The following TNN variants were observed in gnomAD, a reference collection of about 807,000 sequenced individuals.
TNN encodes tenascin N, also known as tenascin-N.
TNN carries 122 observed loss-of-function variants against 134.4 expected under a neutral mutation model. The observed-to-expected ratio is 0.91, with a 90% CI of 0.78 to 1.06. The LOEUF is 1.06. Ranked by LOEUF, TNN falls within the 50% of genes least tolerant of loss-of-function variation. The probability of loss-of-function intolerance (pLI) is 0.00; values close to 1 mark genes in which losing one functional copy is unlikely to be tolerated. For synonymous variants in TNN, 710 were observed against 670.3 expected (o/e 1.06, Z -0.91); for missense variants, 1,739 against 1,699.4 (o/e 1.02, Z -0.41).
intron 6 of TNN, among the ~76,000 whole-genome samples, chr1:175,092,451 G>C (rs537662574): frequency 6.6e-6 from 1 of 152,244 alleles, no homozygotes; most frequent in South Asian, 2.1e-4. Context: ...GTCTCACAAG[G>C]CAATAGTTCA....
chr1:175,119,197 T>A (rs1675275918), intron 11 of TNN, among the ~76,000 whole-genome samples: 2 of 152,344 alleles, frequency 1.3e-5, no homozygotes, highest in African/African-American at 4.8e-5. Flanking sequence ...CCTGAGGGCT[T>A]GTGGTTGTCC....
At chr1:175,127,587 C>T (rs1019210083) in intron 13 of TNN, among the ~76,000 whole-genome samples, 1 of 152,232 alleles carries the variant, frequency 6.6e-6, no homozygotes, top group Non-Finnish European at 1.5e-5. Context: ...GGAAGTAAGA[C>T]TGGTTCAGAA....
intron 17 of TNN, among the ~76,000 whole-genome samples, chr1:175,140,438 C>T (rs1218645802): frequency 6.6e-6 from 1 of 152,222 alleles, no homozygotes; most frequent in Non-Finnish European, 1.5e-5. Context: ...TGGTCAGGAA[C>T]CTCACTCAGG....
At chr1:175,089,025 A>G (rs568366841) in intron 6 of TNN, among the ~76,000 whole-genome samples, 175 of 152,330 alleles carry the variant, frequency 1.1e-3, no homozygotes, top group Non-Finnish European at 2.2e-3. Context: ...ATTGTCAATT[A>G]TATCCTAAAA....
rs748943500 is a variant in TNN at position 175,079,493 on chromosome 1, G to A, written c.570G>A (p.Glu190=). 8.3e-6 allele frequency: 13 copies of A among 1,562,312 alleles called. No individual in the cohort carries two copies. The Admixed American group carries it at 2.5e-4, about 29-fold the overall frequency. The change falls in exon 3 of 19, where the codon GAG becomes GAA. Residue 190 remains glutamate, a synonymous_variant. Coordinates refer to ENST00000239462, the MANE Select transcript of TNN (RefSeq NM_022093.2). ...RCVDGRCLCH[E]PYVGADCGYP... ...TGGACGGGCGCTGCCTGTGCCATGA[G>A]CCCTACGTGGGTGCCGACTGCGGCT... is the stretch of plus-strand genomic sequence containing the variant.
In TNN at chr1:175,079,567, G is replaced by A. The variant is rs758230696; in HGVS notation, c.644G>A (p.Gly215Asp). ...NCSGHGECVRGVCQCHEDFMS... is the reference protein window; with the variant it reads ...NCSGHGECVRDVCQCHEDFMS... ...AGCGGACACGGCGAGTGCGTGCGCG[G>A]CGTGTGCCAGTGCCACGAAGACTTC... The change falls in exon 3 of 19, where the codon GGC (glycine) becomes GAC (aspartate). Residue 215 changes from glycine (G) to aspartate (D), a missense_variant. By Grantham distance (94) the Gly-to-Asp change is moderately conservative (BLOSUM62 -1). Coordinates refer to ENST00000239462, the MANE Select transcript of TNN (RefSeq NM_022093.2). 1.0e-5 allele frequency: 16 copies of A among 1,580,682 alleles called. No homozygotes were observed. The highest frequency in any genetic ancestry group is 1.3e-5 in the Non-Finnish European group (15 of 1,164,842).
chr1:175,133,213 T>G (rs565082302), intron 15 of TNN, among the ~76,000 whole-genome samples: 1 of 152,316 alleles, frequency 6.6e-6, no homozygotes, highest in Non-Finnish European at 1.5e-5. Flanking sequence ...CTTTTCAGAT[T>G]TACTTCCTAT....
intron 9 of TNN, among the ~76,000 whole-genome samples, chr1:175,116,057 A>G (rs538777457): frequency 3.3e-5 from 5 of 151,168 alleles, no homozygotes; most frequent in Admixed American, 3.3e-4. Flanking sequence ...TTTTTTTTTT[A>G]AATGTCGTTG....
chr1:175,089,681 T>A (rs561974329), intron 6 of TNN, among the ~76,000 whole-genome samples: 1 of 152,226 alleles, frequency 6.6e-6, no homozygotes, highest in African/African-American at 2.4e-5. Context: ...TTCATGCTTT[T>A]CCCTGGTGTG....
chr1:175,085,587 A>C, intron 6 of TNN, 93 bp downstream of exon 6: 1 of 920,708 alleles, frequency 1.1e-6, no homozygotes, highest in Non-Finnish European at 1.7e-6. Context: ...GAATTCTGGG[A>C]TTTGCAGACA....
chr1:175,121,053 G>C (rs925580887), intron 11 of TNN, among the ~76,000 whole-genome samples: 5 of 152,164 alleles, frequency 3.3e-5, no homozygotes, highest in Admixed American at 1.3e-4. Context: ...AAAGTGCTGG[G>C]ATTACAGGCA....
chr1:175,112,137 T>C (rs1675043907), intron 9 of TNN, among the ~76,000 whole-genome samples: 1 of 152,234 alleles, frequency 6.6e-6, no homozygotes, highest in African/African-American at 2.4e-5. Flanking sequence ...TTGTCTTATA[T>C]GGCCTTTAGA....
chr1:175,139,125 C>T lies in TNN; in HGVS notation c.3595+2137C>T, dbSNP rs558479711. 3.3e-5 allele frequency among the ~76,000 whole-genome samples: 5 copies of T among 152,274 alleles called. No homozygotes were observed. The South Asian group carries it at 1.0e-3, about 32-fold the overall frequency. On this transcript the variant is annotated intron_variant, in intron 17 of 18. Coordinates refer to ENST00000239462, the MANE Select transcript of TNN (RefSeq NM_022093.2). ...TGAAGGCCCAGGACAGGACTGTGCA[C>T]TCCTGTAGACTTTAGGCACACTGCC...
chr1:175,117,509 GA>G (rs909268645), intron 10 of TNN, among the ~76,000 whole-genome samples: 1 of 151,996 alleles, frequency 6.6e-6, no homozygotes, highest in African/African-American at 2.4e-5. Flanking sequence ...TTGTGAGTGG[GA>G]ACAGAAAATG....
chr1:175,130,544 G>A (rs1368766389), intron 15 of TNN, among the ~76,000 whole-genome samples: 1 of 152,170 alleles, frequency 6.6e-6, no homozygotes, highest in African/African-American at 2.4e-5. Flanking sequence ...CTTTGTGCCT[G>A]TAATTGACTT....
At chr1:175,130,096 C>A (rs762540895) in intron 15 of TNN, among the ~76,000 whole-genome samples, 12 of 152,164 alleles carry the variant, frequency 7.9e-5, no homozygotes, top group Non-Finnish European at 1.5e-4. Flanking sequence ...CTCCCCTTGC[C>A]CCTTTTCTCC....
Position 175,119,187 on chromosome 1 carries a change from C to T in TNN, c.2650+363C>T, listed in dbSNP as rs140623515. On this transcript the variant is annotated intron_variant, in intron 11 of 18. Transcript: ENST00000239462. ...GGCTACTAGCCATGGGCAGAGCAGC[C>T]CTGAGGGCTTGTGGTTGTCCATTTT... 4.4e-3 allele frequency among the ~76,000 whole-genome samples: 677 copies of T among 152,276 alleles called. 6 individuals are homozygous for T. The highest frequency in any genetic ancestry group is 7.8e-3 in the Non-Finnish European group (528 of 68,012).
rs1676114671 is a variant in TNN at position 175,148,018 on chromosome 1, A to T, written c.*947A>T. On this transcript the variant is annotated 3_prime_UTR_variant, in exon 19 of 19. Coordinates refer to ENST00000239462, the MANE Select transcript of TNN (RefSeq NM_022093.2). Reference sequence around the variant, plus strand: ...CTGTAGCAAAATCAGTGACCAATGAAGTAACTTAAATTCCTATTGAAGAAA... The same window carrying T: ...CTGTAGCAAAATCAGTGACCAATGATGTAACTTAAATTCCTATTGAAGAAA... 6.6e-6 allele frequency: 1 copy of T among 152,220 alleles called. No individual in the cohort carries two copies. The highest frequency in any genetic ancestry group is 2.4e-5 in the African/African-American group (1 of 41,452). The allele number at this position is 152,220 out of a possible 1,614,324, so 9.4% of individuals were successfully genotyped here.
chr1:175,082,461 T>C (rs1193479427), intron 4 of TNN, among the ~76,000 whole-genome samples: 1 of 152,184 alleles, frequency 6.6e-6, no homozygotes, highest in African/African-American at 2.4e-5. Flanking sequence ...TTACACCATG[T>C]AGGAACTCTT....
Sources: gnomAD v4.1 joint callset for allele counts (sites outside exome capture counted in the v4.1 genomes callset) on GRCh38, gnomAD v4.1.1 for gene constraint, MANE v1.5 for transcripts, NCBI Gene and HGNC (gene_info 2026-07-23, HGNC 2026-07-21) for gene names.